SUSD4: variants seen among roughly 807,000 people sequenced by gnomAD.
SUSD4 encodes the protein sushi domain-containing protein 4.
In SUSD4, 41 loss-of-function variants were observed where a neutral mutation model predicts 50.5. The observed-to-expected ratio is 0.81, with a 90% CI of 0.63 to 1.05. SUSD4 has a LOEUF of 1.05. Among genes scored for constraint, SUSD4 ranks in the 50% least tolerant of loss-of-function variants. SUSD4 has a pLI of 0.00. For synonymous variants in SUSD4, 257 were observed against 257.3 expected (o/e 1.00, Z 0.01); for missense variants, 580 against 634.7 (o/e 0.91, Z 0.93).
chr1:223,268,030 TATATATATATATACACAC>T (rs1444889747), intron 4 of SUSD4, among the ~76,000 whole-genome samples: 2 of 88,654 alleles, frequency 2.3e-5, no homozygotes, highest in African/African-American at 7.2e-5. Flanking sequence ...TATATATATA[TATATATATATATACACAC>T]ACACTGTTAA....
chr1:223,288,520 A>G (rs898689477), intron 3 of SUSD4, among the ~76,000 whole-genome samples: 1 of 152,180 alleles, frequency 6.6e-6, no homozygotes, highest in Non-Finnish European at 1.5e-5. Context: ...CTCATAGCCT[A>G]TGTAAGATTC....
At chr1:223,264,247 A>G in intron 5 of SUSD4, 1 of 985,470 alleles carries the variant, frequency 1.0e-6, no homozygotes, top group South Asian at 4.7e-5. Context: ...GCATGGAAAT[A>G]TGGAGGAAAC....
chr1:223,283,649 C>G (rs1194977672), intron 3 of SUSD4, among the ~76,000 whole-genome samples: 1 of 152,196 alleles, frequency 6.6e-6, no homozygotes, highest in Non-Finnish European at 1.5e-5. Context: ...TAAACTAGTT[C>G]AACCATTGTG....
At chr1:223,243,769 G>A (rs1660741380) in intron 5 of SUSD4, among the ~76,000 whole-genome samples, 1 of 152,218 alleles carries the variant, frequency 6.6e-6, no homozygotes, top group East Asian at 1.9e-4. Context: ...CAAGCCTGAT[G>A]CACTAAGTGG....
At chr1:223,286,167 G>A (rs1664123498) in intron 3 of SUSD4, among the ~76,000 whole-genome samples, 1 of 152,086 alleles carries the variant, frequency 6.6e-6, no homozygotes, top group African/African-American at 2.4e-5. Context: ...CCAGGCTGGA[G>A]TGCAGTGGCG....
chr1:223,283,997 C>T (rs1393465213), intron 3 of SUSD4, among the ~76,000 whole-genome samples: 3 of 151,268 alleles, frequency 2.0e-5, no homozygotes, highest in Non-Finnish European at 2.9e-5. Flanking sequence ...AACCAAACAC[C>T]GCATATTCTC....
intron 3 of SUSD4, among the ~76,000 whole-genome samples, chr1:223,291,663 A>G (rs576064016): frequency 7.2e-5 from 11 of 152,298 alleles, no homozygotes; most frequent in East Asian, 1.9e-4. Context: ...TCAATGAAAT[A>G]TAAGTTCTGT....
At position 223,264,638 on chromosome 1, in the gene SUSD4, G is replaced by A. The variant is rs1359602953; in HGVS notation, c.716C>T (p.Ala239Val). Residue 239 changes from alanine to valine, a missense_variant, in exon 5 of 9, where the codon GCT becomes GTT. Physicochemically the swap from Ala to Val is moderately conservative, Grantham distance 64. Coordinates refer to ENST00000366878, the MANE Select transcript of SUSD4 (RefSeq NM_017982.4). ...IWSSSPPRCL[A>V]LEVCPLPPMV... is the part of the protein sequence containing the mutation. The stretch of plus-strand genomic sequence containing the variant: ...AGAATGAGATGTGTTACCTTCCAGA[G>A]CAAGGCACCGGGGTGGGCTGGACGA... The A allele has an allele frequency of 6.2e-7, 1 of 1,614,066 alleles. No individual in the cohort carries two copies. Among genetic ancestry groups the A allele is most frequent in the Admixed American group, 1.7e-5 (1 of 60,022 alleles).
chr1:223,222,283 T>G, intron 8 of SUSD4, 63 bp from the exon 9 acceptor site: 1 of 1,531,994 alleles, frequency 6.5e-7, no homozygotes, highest in South Asian at 1.2e-5. Flanking sequence ...GATCTGGAAT[T>G]ATATGCCTCA....
At chr1:223,250,203 T>C (rs1046297989) in intron 5 of SUSD4, among the ~76,000 whole-genome samples, 5 of 152,198 alleles carry the variant, frequency 3.3e-5, no homozygotes, top group South Asian at 2.1e-4. Flanking sequence ...AATACCTACA[T>C]TGCAGGAAAT....
intron 2 of SUSD4, among the ~76,000 whole-genome samples, chr1:223,306,971 G>A (rs1665573776): frequency 6.6e-6 from 1 of 151,272 alleles, no homozygotes; most frequent in South Asian, 2.1e-4. Flanking sequence ...TTGGGGGGGG[G>A]TGTCCCTTCC....
At chr1:223,345,957 G>A (rs2103313060) in intron 2 of SUSD4, among the ~76,000 whole-genome samples, 1 of 152,202 alleles carries the variant, frequency 6.6e-6, no homozygotes, top group Non-Finnish European at 1.5e-5. Context: ...CTGGCTACTA[G>A]CTTCCATGTC....
At chr1:223,281,922 G>A (rs1450836320) in intron 3 of SUSD4, among the ~76,000 whole-genome samples, 2 of 152,198 alleles carry the variant, frequency 1.3e-5, no homozygotes, top group African/African-American at 4.8e-5. Flanking sequence ...TAGGATGCAA[G>A]GCTGGTTCAA....
At position 223,229,264 on chromosome 1, in the gene SUSD4, G is replaced by C. The variant is rs1259396078; in HGVS notation, c.849C>G (p.Asp283Glu). The C allele has an allele frequency of 1.9e-6, 3 of 1,613,270 alleles. No homozygotes were observed. The East Asian group carries it at 6.7e-5, about 36-fold the overall frequency. The change falls in exon 6 of 9, where the codon GAC becomes GAG. Residue 283 changes from aspartate to glutamate, a missense_variant. Coordinates refer to ENST00000366878, the MANE Select transcript of SUSD4 (RefSeq NM_017982.4). This position sits in a 1 kb window ranked among gnomAD's most constrained non-coding sequence, Gnocchi z 4.7. ...CATACTGGCAGGTGATGTACTTGTAGTCGCTGGTGAGGCTGTAGCCAGGAT... is the reference window on the plus strand; with the variant it reads ...CATACTGGCAGGTGATGTACTTGTACTCGCTGGTGAGGCTGTAGCCAGGAT... Reference protein sequence around the residue: ...YCDPGYSLTSDYKYITCQYGE... With the variant: ...YCDPGYSLTSEYKYITCQYGE...
intron 2 of SUSD4, among the ~76,000 whole-genome samples, chr1:223,340,287 C>A (rs1667682497): frequency 6.6e-6 from 1 of 152,250 alleles, no homozygotes; most frequent in Non-Finnish European, 1.5e-5. Context: ...GGTCCCATCT[C>A]CTGGAACAGA....
intron 5 of SUSD4, among the ~76,000 whole-genome samples, chr1:223,243,820 C>T (rs996952230): frequency 6.6e-6 from 1 of 152,192 alleles, no homozygotes; most frequent in Non-Finnish European, 1.5e-5. Flanking sequence ...TCCTGCTTTG[C>T]GTTATCAGCA....
At chr1:223,259,394 T>C (rs1661937766) in intron 5 of SUSD4, among the ~76,000 whole-genome samples, 1 of 152,138 alleles carries the variant, frequency 6.6e-6, no homozygotes, top group Admixed American at 6.5e-5. Context: ...GCAACAGGAA[T>C]CTTTAAGTGG....
chr1:223,340,643 T>G (rs979492260), intron 2 of SUSD4, among the ~76,000 whole-genome samples: 1 of 152,136 alleles, frequency 6.6e-6, no homozygotes, highest in African/African-American at 2.4e-5. Context: ...GGAGCTGGGT[T>G]TAGAGGCTCC....
At chr1:223,256,854 G>A (rs933173633) in intron 5 of SUSD4, among the ~76,000 whole-genome samples, 7 of 152,184 alleles carry the variant, frequency 4.6e-5, no homozygotes, top group Non-Finnish European at 1.0e-4. Flanking sequence ...TCAGTAGAAG[G>A]TGTGGGCTCA....
Sources: gnomAD v4.1 joint callset for allele counts (sites outside exome capture counted in the v4.1 genomes callset) on GRCh38, gnomAD v4.1.1 for gene constraint, Gnocchi (gnomAD v3.1) non-coding constraint, MANE v1.5 for transcripts, NCBI Gene and HGNC (gene_info 2026-07-23, HGNC 2026-07-21) for gene names.